The following TRIM44 variants were observed in gnomAD, a reference collection of about 807,000 sequenced individuals.
TRIM44 encodes tripartite motif containing 44, also known as tripartite motif-containing protein 44.
A neutral mutation model predicts 37.4 loss-of-function variants in TRIM44; 13 were observed. That is an observed-to-expected ratio of 0.35 (90% confidence interval 0.23 to 0.55). TRIM44 has a LOEUF of 0.55. Ranked by LOEUF, TRIM44 falls within the 20% of genes least tolerant of loss-of-function variation. The probability of loss-of-function intolerance (pLI) is 0.89; values close to 1 mark genes in which losing one functional copy is unlikely to be tolerated. For missense variants in TRIM44, 426 were observed against 437.2 expected, an observed-to-expected ratio of 0.97 and a Z score of 0.23; for synonymous variants, 175 against 157.2, an observed-to-expected ratio of 1.11 and a Z score of -0.85.
intron 4 of TRIM44, among the ~76,000 whole-genome samples, chr11:35,775,128 G>A (rs937907721): frequency 4.6e-5 from 7 of 152,058 alleles, no homozygotes; most frequent in East Asian, 1.9e-4. Context: ...ATTTGTTTGT[G>A]TCCTCTTTTA....
chr11:35,694,277 T>C (rs891710409), intron 2 of TRIM44, among the ~76,000 whole-genome samples: 5 of 152,172 alleles, frequency 3.3e-5, no homozygotes, highest in Admixed American at 3.3e-4. Context: ...TTCCAAATCA[T>C]GGACAAAGGA....
intron 1 of TRIM44, among the ~76,000 whole-genome samples, chr11:35,669,685 G>T (rs1187319367): frequency 1.3e-5 from 2 of 152,066 alleles, no homozygotes; most frequent in African/African-American, 4.8e-5. Context: ...CACCATGTTG[G>T]CCAGATTGGT....
At chr11:35,797,271 A>G (rs528004338) in intron 4 of TRIM44, among the ~76,000 whole-genome samples, 62 of 152,378 alleles carry the variant, frequency 4.1e-4, no homozygotes, top group African/African-American at 1.4e-3. Context: ...AACCCAAAGA[A>G]TAAAATAAAC....
intron 4 of TRIM44, among the ~76,000 whole-genome samples, chr11:35,781,385 C>G (rs1233622695): frequency 6.6e-6 from 1 of 152,156 alleles, no homozygotes. Context: ...AGGCTGTGAT[C>G]TGCACAAGTC....
intron 4 of TRIM44, among the ~76,000 whole-genome samples, chr11:35,756,562 G>A (rs1410147391): frequency 6.6e-6 from 1 of 152,178 alleles, no homozygotes; most frequent in African/African-American, 2.4e-5. Flanking sequence ...AGTGGTGAGA[G>A]AGGGCATCCC....
chr11:35,723,797 C>T (rs965736210), intron 2 of TRIM44, among the ~76,000 whole-genome samples: 7 of 152,116 alleles, frequency 4.6e-5, no homozygotes, highest in African/African-American at 1.7e-4. Context: ...AAGAGAGTTT[C>T]TCAGGCATTC....
At chr11:35,790,235 T>C (rs1383204895) in intron 4 of TRIM44, among the ~76,000 whole-genome samples, 1 of 152,198 alleles carries the variant, frequency 6.6e-6, no homozygotes, top group Non-Finnish European at 1.5e-5. Context: ...CATACTCTTG[T>C]CTTGTAATAC....
At chr11:35,744,597 C>G (rs563773100) in intron 4 of TRIM44, among the ~76,000 whole-genome samples, 2 of 151,818 alleles carry the variant, frequency 1.3e-5, no homozygotes, top group Non-Finnish European at 2.9e-5. Flanking sequence ...GGTACATGTG[C>G]AGGACGTGCA....
chr11:35,805,650 C>T (rs1853437293), intron 4 of TRIM44, among the ~76,000 whole-genome samples: 1 of 152,312 alleles, frequency 6.6e-6, no homozygotes, highest in Non-Finnish European at 1.5e-5. Context: ...ATTTATTGAG[C>T]ACCTCTATGT....
chr11:35,711,328 G>A (rs776857715), intron 2 of TRIM44, among the ~76,000 whole-genome samples: 3 of 152,064 alleles, frequency 2.0e-5, no homozygotes, highest in Non-Finnish European at 4.4e-5. Flanking sequence ...CAGGGATGAG[G>A]GTTAAAAACC....
intron 4 of TRIM44, among the ~76,000 whole-genome samples, chr11:35,749,407 G>A (rs555134087): frequency 4.6e-5 from 7 of 152,334 alleles, no homozygotes; most frequent in Middle Eastern, 3.4e-3. Context: ...AGTAGAGGCC[G>A]GGTGCTACAG....
rs1282645656 is a variant in TRIM44, at chr11:35,807,555, G to C, written c.*1170G>C. ...ACAATTTCTTACAACCAAGCTTTGTGCTCCCGAGTAAGCAGGGATGTACTA... is the reference window on the plus strand; with the variant it reads ...ACAATTTCTTACAACCAAGCTTTGTCCTCCCGAGTAAGCAGGGATGTACTA... On this transcript the variant is annotated 3_prime_UTR_variant, in exon 5 of 5. Coordinates refer to ENST00000299413, the MANE Select transcript of TRIM44 (RefSeq NM_017583.6). 6.6e-6 allele frequency: 1 copy of C among 152,054 alleles called. No homozygotes were observed. The highest frequency in any genetic ancestry group is 1.5e-5 in the Non-Finnish European group (1 of 68,012). The allele number at this position is 152,054 out of a possible 1,614,324, so 9.4% of individuals were successfully genotyped here.
At chr11:35,673,037 C>A (rs1851416973) in intron 1 of TRIM44, among the ~76,000 whole-genome samples, 1 of 152,166 alleles carries the variant, frequency 6.6e-6, no homozygotes, top group African/African-American at 2.4e-5. Flanking sequence ...AATGTACTTT[C>A]TTAACCTGTA....
intron 4 of TRIM44, among the ~76,000 whole-genome samples, chr11:35,795,497 A>G (rs1238230342): frequency 6.6e-6 from 1 of 152,054 alleles, no homozygotes; most frequent in Non-Finnish European, 1.5e-5. Context: ...TCAGTGGGAT[A>G]GGGAGATGGT....
intron 1 of TRIM44, among the ~76,000 whole-genome samples, chr11:35,664,630 T>C (rs1197378397): frequency 6.6e-6 from 1 of 152,238 alleles, no homozygotes; most frequent in East Asian, 1.9e-4. Flanking sequence ...ATAGCTGGCA[T>C]TGGGATAACA....
rs1013924381 is a variant in TRIM44, at chr11:35,778,946, T to C, written c.1008-27412T>C. Among the ~76,000 whole-genome samples, 34 of 152,316 alleles carry C rather than the reference T, an allele frequency of 2.2e-4. No homozygotes were observed. The Middle Eastern group carries it at 0.01, about 46-fold the overall frequency. On this transcript the variant is annotated intron_variant, in intron 4 of 4. Coordinates refer to ENST00000299413, the MANE Select transcript of TRIM44 (RefSeq NM_017583.6). ...TCCATTCTCAGATCTCAAACGCCGT[T>C]GTGGGAGAACCACTACTCTCTTCAA...
chr11:35,785,147 A>T (rs1853115006), intron 4 of TRIM44, among the ~76,000 whole-genome samples: 1 of 152,230 alleles, frequency 6.6e-6, no homozygotes, highest in Admixed American at 6.5e-5. Context: ...ATTAATTAAA[A>T]CACAAATGAA....
chr11:35,746,519 C>T (rs933489127), intron 4 of TRIM44, among the ~76,000 whole-genome samples: 8 of 125,416 alleles, frequency 6.4e-5, no homozygotes, highest in African/African-American at 2.5e-4. Flanking sequence ...GAAGCTGAAA[C>T]AGCAGGCATC....
intron 2 of TRIM44, among the ~76,000 whole-genome samples, chr11:35,714,567 T>G (rs1235440242): frequency 6.6e-6 from 1 of 152,182 alleles, no homozygotes; most frequent in African/African-American, 2.4e-5. Context: ...TGTTTTGGTG[T>G]TGTGTTTTAA....
Sources: gnomAD v4.1 joint callset for allele counts (sites outside exome capture counted in the v4.1 genomes callset) on GRCh38, gnomAD v4.1.1 for gene constraint, MANE v1.5 for transcripts, NCBI Gene and HGNC (gene_info 2026-07-23, HGNC 2026-07-21) for gene names.